Variants in CCDC178 observed in about 807,000 individuals in gnomAD.
CCDC178 encodes coiled-coil domain containing 178.
In CCDC178, 126 loss-of-function variants were observed where a neutral mutation model predicts 117.4. The observed-to-expected ratio is 1.07, with a 90% CI of 0.93 to 1.24. The LOEUF is 1.24. Ranked by LOEUF, CCDC178 falls within the 50% of genes most tolerant of loss-of-function variation. The probability of loss-of-function intolerance (pLI) is 0.00; values close to 1 mark genes in which losing one functional copy is unlikely to be tolerated. For synonymous variants in CCDC178, 283 were observed against 313.4 expected (o/e 0.90, Z 1.02); for missense variants, 1,030 against 986.9 (o/e 1.04, Z -0.59).
chr18:32,945,774 C>T (rs964086385), intron 22 of CCDC178, among the ~76,000 whole-genome samples: 1 of 151,982 alleles, frequency 6.6e-6, no homozygotes, highest in African/African-American at 2.4e-5. Flanking sequence ...TTGTTTTTAC[C>T]ATGTTCATGC....
At chr18:33,087,040 A>C (rs2057390757) in intron 21 of CCDC178, among the ~76,000 whole-genome samples, 1 of 150,890 alleles carries the variant, frequency 6.6e-6, no homozygotes, top group Non-Finnish European at 1.5e-5. Context: ...GTTGACACAC[A>C]CACACACACA....
chr18:33,166,521 T>G (rs1393926737), intron 20 of CCDC178, among the ~76,000 whole-genome samples: 2 of 152,112 alleles, frequency 1.3e-5, no homozygotes, highest in Non-Finnish European at 2.9e-5. Flanking sequence ...AGGGAATAGT[T>G]TCCCTACTAG....
chr18:33,119,280 A>C (rs1248298126), intron 20 of CCDC178, among the ~76,000 whole-genome samples: 1 of 152,230 alleles, frequency 6.6e-6, no homozygotes, highest in Admixed American at 6.5e-5. Flanking sequence ...AATTTTTGCA[A>C]TTTACTTATC....
intron 18 of CCDC178, among the ~76,000 whole-genome samples, chr18:33,222,825 T>C (rs1208911343): frequency 6.6e-6 from 1 of 152,064 alleles, no homozygotes; most frequent in African/African-American, 2.4e-5. Context: ...CAGAAAGCAG[T>C]AGACTTCTGC....
intron 20 of CCDC178, among the ~76,000 whole-genome samples, chr18:33,115,254 G>A (rs571722153): frequency 1.3e-5 from 2 of 152,088 alleles, no homozygotes; most frequent in South Asian, 4.2e-4. Context: ...TCATACATGG[G>A]TATTGCACTC....
At chr18:33,006,022 T>C (rs1175604131) in intron 21 of CCDC178, among the ~76,000 whole-genome samples, 1 of 152,066 alleles carries the variant, frequency 6.6e-6, no homozygotes, top group East Asian at 1.9e-4. Flanking sequence ...AGCACATTTC[T>C]TTTTCAATAT....
chr18:33,054,781 A>C (rs1598833447), intron 21 of CCDC178, among the ~76,000 whole-genome samples: 2 of 152,352 alleles, frequency 1.3e-5, no homozygotes, highest in South Asian at 4.1e-4. Flanking sequence ...CTTTGGGTAC[A>C]TACCCAGTAA....
Position 33,224,851 on chromosome 18 carries a change from GC to G in CCDC178, c.1741del (p.Ala581GlnfsTer10). On this transcript the variant is annotated frameshift_variant, in exon 17 of 23. Transcript: ENST00000383096. LOFTEE classifies it high-confidence loss of function. ...KNRAICAMSLAELQEPLLQLE... is the reference protein window; with the variant it reads ...KNRAICAMSLXELQEPLLQLE... ...TTGAAGCAGAGGTTCCTGTAGTTCT[GC>G]CAGTGACATGGCACATATTGCTCTA... 1 of 1,581,524 alleles carries G rather than the reference GC, an allele frequency of 6.3e-7. No homozygotes were observed.
intron 20 of CCDC178, among the ~76,000 whole-genome samples, chr18:33,198,595 C>T (rs751009908): frequency 5.3e-5 from 8 of 152,054 alleles, no homozygotes; most frequent in African/African-American, 1.2e-4. Flanking sequence ...ATATCTTATG[C>T]TATGTTTAGC....
At chr18:32,996,521 G>A (rs1021318063) in intron 21 of CCDC178, among the ~76,000 whole-genome samples, 9 of 151,694 alleles carry the variant, frequency 5.9e-5, no homozygotes, top group Non-Finnish European at 8.8e-5. Context: ...ATATTATACA[G>A]TAAATAAAAT....
intron 21 of CCDC178, among the ~76,000 whole-genome samples, chr18:33,059,898 T>C (rs1405787795): frequency 6.6e-6 from 1 of 152,142 alleles, no homozygotes; most frequent in Non-Finnish European, 1.5e-5. Context: ...AGCCCTCGCA[T>C]ATAAGATTCT....
At position 33,193,264 on chromosome 18, in the gene CCDC178, CAAAAAAAAAAAAAAA is replaced by C. The variant is rs59092607; in HGVS notation, c.2238+18617_2238+18631del. Among the ~76,000 whole-genome samples, 205 of 77,206 alleles carry C rather than the reference CAAAAAAAAAAAAAAA, an allele frequency of 2.7e-3. 2 individuals are homozygous for C. In the Admixed American group the frequency reaches 0.033, roughly 12 times the overall value. 50.7% of individuals were successfully genotyped at this position (77,206 alleles called of 152,430 possible). ...GGCAACAGAGCGAGACTCCGTCTCA[CAAAAAAAAAAAAAAA>C]AAAAAAAAAAAAAAGACAAATCTAA... On this transcript the variant is annotated intron_variant, in intron 20 of 22. Transcript: ENST00000383096.
intron 21 of CCDC178, among the ~76,000 whole-genome samples, chr18:33,078,981 C>G (rs1426970026): frequency 6.6e-6 from 1 of 151,992 alleles, no homozygotes; most frequent in African/African-American, 2.4e-5. Context: ...CAATCCCATG[C>G]AAAAAGAACA....
chr18:33,366,069 T>C (rs1001098786), intron 6 of CCDC178, among the ~76,000 whole-genome samples: 2 of 152,100 alleles, frequency 1.3e-5, no homozygotes, highest in East Asian at 1.9e-4. Context: ...TCTGACTACA[T>C]TGGAAATCAC....
chr18:32,966,060 C>T (rs1424746142), intron 22 of CCDC178, among the ~76,000 whole-genome samples: 1 of 150,896 alleles, frequency 6.6e-6, no homozygotes, highest in Non-Finnish European at 1.5e-5. Flanking sequence ...CACTATACAA[C>T]ATTTTATATT....
chr18:33,102,442 A>G (rs1234509827), intron 20 of CCDC178, among the ~76,000 whole-genome samples: 2 of 151,014 alleles, frequency 1.3e-5, no homozygotes, highest in African/African-American at 4.9e-5. Flanking sequence ...AAAAAAAAAA[A>G]TAGGCCTCAG....
chr18:33,022,080 T>C (rs1250523761), intron 21 of CCDC178, among the ~76,000 whole-genome samples: 1 of 152,224 alleles, frequency 6.6e-6, no homozygotes, highest in Non-Finnish European at 1.5e-5. Flanking sequence ...ATACCATCCA[T>C]ATTACTGCCT....
chr18:32,993,309 G>A (rs570996767), intron 21 of CCDC178, among the ~76,000 whole-genome samples: 16 of 152,246 alleles, frequency 1.1e-4, no homozygotes, highest in East Asian at 5.8e-4. Flanking sequence ...TCCATAAGAC[G>A]TGCCCATCAG....
At chr18:32,972,024 T>A (rs994162811) in intron 22 of CCDC178, among the ~76,000 whole-genome samples, 10 of 152,262 alleles carry the variant, frequency 6.6e-5, no homozygotes, top group African/African-American at 2.2e-4. Flanking sequence ...TTTAGTTTAA[T>A]TAGATCCCAT....
Sources: allele counts gnomAD v4.1 joint callset (sites outside exome capture counted in the v4.1 genomes callset), GRCh38; gene constraint gnomAD v4.1.1; transcripts MANE v1.5; gene names NCBI Gene and HGNC (gene_info 2026-07-23, HGNC 2026-07-21).